The following PAM variants were observed in gnomAD, a reference collection of about 807,000 sequenced individuals.
PAM encodes the protein peptidylglycine alpha-amidating monooxygenase.
PAM carries 72 observed loss-of-function variants against 122.1 expected under a neutral mutation model. The ratio of observed to expected loss-of-function variants is 0.59; its 90% CI spans 0.49 to 0.72. PAM has a LOEUF of 0.72. PAM is among the 30% of genes least tolerant of loss of function. The pLI, the probability that PAM is intolerant of heterozygous loss-of-function variation, is 0.00. For synonymous variants in PAM, 389 were observed against 404.4 expected (o/e 0.96, Z 0.46); for missense variants, 1,106 against 1,183.7 (o/e 0.93, Z 0.96).
intron 1 of PAM, among the ~76,000 whole-genome samples, chr5:102,780,769 TTC>T (rs1561427267): frequency 1.1e-5 from 1 of 89,676 alleles, no homozygotes. Context: ...CTTTCTTTCT[TTC>T]TTTCTTTCTT....
At chr5:102,793,276 C>T (rs1170561787) in intron 1 of PAM, among the ~76,000 whole-genome samples, 1 of 152,024 alleles carries the variant, frequency 6.6e-6, no homozygotes, top group Admixed American at 6.6e-5. Context: ...TGCCTGTAAC[C>T]CCTGCACTTT....
intron 7 of PAM, among the ~76,000 whole-genome samples, chr5:102,944,280 C>T (rs1385035349): frequency 6.6e-6 from 1 of 152,036 alleles, no homozygotes; most frequent in Non-Finnish European, 1.5e-5. Flanking sequence ...AGAACAACCA[C>T]TATGAAAAAT....
chr5:103,021,312 G>T (rs1783484404), intron 23 of PAM, among the ~76,000 whole-genome samples: 1 of 152,080 alleles, frequency 6.6e-6, no homozygotes, highest in African/African-American at 2.4e-5. Flanking sequence ...ATTCTCCCAA[G>T]AACTGCAGGT....
intron 7 of PAM, among the ~76,000 whole-genome samples, chr5:102,941,019 G>C (rs1755021508): frequency 6.6e-6 from 1 of 152,102 alleles, no homozygotes; most frequent in South Asian, 2.1e-4. Flanking sequence ...TACTTTCTTA[G>C]AAGGATGCCT....
chr5:102,818,747 G>A (rs1474193729), intron 1 of PAM, among the ~76,000 whole-genome samples: 2 of 151,986 alleles, frequency 1.3e-5, no homozygotes, highest in Admixed American at 6.6e-5. Context: ...CTTTTTTTAT[G>A]TTCAGTTATT....
intron 14 of PAM, among the ~76,000 whole-genome samples, chr5:102,970,537 G>A (rs533607846): frequency 1.4e-4 from 21 of 152,304 alleles, no homozygotes; most frequent in South Asian, 2.1e-4. Context: ...TAGCCTGTGA[G>A]TCAGATATGA....
intron 1 of PAM, among the ~76,000 whole-genome samples, chr5:102,807,542 C>T (rs1031708824): frequency 1.3e-5 from 2 of 152,162 alleles, no homozygotes; most frequent in Admixed American, 1.3e-4. Flanking sequence ...TTAGGCAATT[C>T]GCTGGAGGTG....
intron 1 of PAM, among the ~76,000 whole-genome samples, chr5:102,801,770 G>GTGTTTTTTTTT (rs1378058562): frequency 7.1e-6 from 1 of 140,358 alleles, no homozygotes; most frequent in African/African-American, 2.8e-5. Context: ...TAGGGAAAAG[G>GTGTTTTTTTTT]TATTTTTTTT....
At chr5:102,840,993 T>G (rs933490214) in intron 1 of PAM, among the ~76,000 whole-genome samples, 3 of 152,066 alleles carry the variant, frequency 2.0e-5, no homozygotes, top group African/African-American at 7.3e-5. Context: ...ACTAATCTGA[T>G]TTAATTGTTG....
At chr5:103,027,872 G>A (rs1785415560) in intron 24 of PAM, among the ~76,000 whole-genome samples, 1 of 152,184 alleles carries the variant, frequency 6.6e-6, no homozygotes, top group African/African-American at 2.4e-5. Flanking sequence ...CACATGCAGT[G>A]TCTGATCTCA....
intron 21 of PAM, among the ~76,000 whole-genome samples, chr5:103,015,962 A>G (rs1046875002): frequency 3.9e-5 from 6 of 152,232 alleles, no homozygotes; most frequent in Non-Finnish European, 1.5e-5. Context: ...TTCTACAACC[A>G]TATGTTTTAC....
At chr5:102,779,908 T>C (rs1285110397) in intron 1 of PAM, among the ~76,000 whole-genome samples, 19 of 107,876 alleles carry the variant, frequency 1.8e-4, no homozygotes, top group African/African-American at 5.3e-4. Context: ...TATATATATA[T>C]ATATATATAT....
chr5:103,007,315 A>G, intron 19 of PAM, 142 bp from the exon 20 acceptor site: 1 of 703,304 alleles, frequency 1.4e-6, no homozygotes. Flanking sequence ...TTATAAAATA[A>G]TCTTATAAAC....
intron 1 of PAM, among the ~76,000 whole-genome samples, chr5:102,828,643 T>C (rs1774389481): frequency 6.6e-6 from 1 of 152,184 alleles, no homozygotes; most frequent in Admixed American, 6.5e-5. Context: ...TTGCATTGCA[T>C]CTAACAGTCT....
intron 1 of PAM, among the ~76,000 whole-genome samples, chr5:102,778,807 G>A (rs763616497): frequency 7.2e-5 from 11 of 152,234 alleles, no homozygotes; most frequent in Non-Finnish European, 1.0e-4. Context: ...TGTAGTTGTC[G>A]TGGTTCCCAT....
intron 3 of PAM, among the ~76,000 whole-genome samples, chr5:102,869,384 G>A (rs1244837347): frequency 6.8e-6 from 1 of 146,356 alleles, no homozygotes; most frequent in Admixed American, 6.6e-5. Flanking sequence ...CAGAGAGATT[G>A]AAAGAATGTA....
At chr5:102,934,768 A>G (rs1752723847) in intron 7 of PAM, among the ~76,000 whole-genome samples, 1 of 152,208 alleles carries the variant, frequency 6.6e-6, no homozygotes, top group Non-Finnish European at 1.5e-5. Flanking sequence ...TTCTATAACA[A>G]ATGTTTAAAT....
chr5:102,858,515 C>A (rs1448785057), intron 1 of PAM, among the ~76,000 whole-genome samples: 1 of 152,190 alleles, frequency 6.6e-6, no homozygotes, highest in African/African-American at 2.4e-5. Flanking sequence ...CTCTGCATTA[C>A]AGCTATATAG....
At chr5:102,939,577 A>G (rs879399623) in intron 7 of PAM, among the ~76,000 whole-genome samples, 2 of 152,138 alleles carry the variant, frequency 1.3e-5, no homozygotes, top group African/African-American at 2.4e-5. Flanking sequence ...TTTTTCATTA[A>G]CATAGTAATC....
Sources: gnomAD v4.1 joint callset for allele counts (sites outside exome capture counted in the v4.1 genomes callset) on GRCh38, gnomAD v4.1.1 for gene constraint, MANE v1.5 for transcripts, NCBI Gene and HGNC (gene_info 2026-07-23, HGNC 2026-07-21) for gene names.